Variants in CORO2A observed in about 807,000 individuals in gnomAD.
CORO2A encodes the protein coronin-2A.
In CORO2A, 47 loss-of-function variants were observed where a neutral mutation model predicts 62.4. The observed-to-expected ratio is 0.75, with a 90% CI of 0.60 to 0.96. The LOEUF (loss-of-function observed/expected upper bound fraction) is 0.96. Among genes scored for constraint, CORO2A ranks in the 40% least tolerant of loss-of-function variants. CORO2A has a pLI of 0.00. For missense variants in CORO2A, 610 were observed against 684.1 expected (o/e 0.89, Z 1.21); for synonymous variants, 273 against 268.9 (o/e 1.02, Z -0.15).
intron 2 of CORO2A, among the ~76,000 whole-genome samples, chr9:98,138,061 C>T (rs182731756): frequency 1.5e-3 from 236 of 152,298 alleles, no homozygotes; most frequent in Non-Finnish European, 2.8e-3. Flanking sequence ...GGCAGTTCCT[C>T]AAAAGGTTAA....
chr9:98,149,519 T>A (rs1294915366), intron 2 of CORO2A, among the ~76,000 whole-genome samples: 1 of 152,258 alleles, frequency 6.6e-6, no homozygotes, highest in Non-Finnish European at 1.5e-5. Flanking sequence ...GGCACCAGCA[T>A]CTGCTTCTGG....
At chr9:98,137,267 C>T (rs115844451) in intron 3 of CORO2A, among the ~76,000 whole-genome samples, 1 of 152,312 alleles carries the variant, frequency 6.6e-6, no homozygotes, top group African/African-American at 2.4e-5. Flanking sequence ...CCTTTTATAG[C>T]TCCCCGAAGG....
chr9:98,154,202 G>T (rs946822564), intron 2 of CORO2A, among the ~76,000 whole-genome samples: 5 of 151,570 alleles, frequency 3.3e-5, no homozygotes, highest in Non-Finnish European at 7.4e-5. Flanking sequence ...ACAGAATGAG[G>T]AAAGAAGTTG....
chr9:98,177,454 T>TG (rs1372030486), intron 1 of CORO2A, among the ~76,000 whole-genome samples: 17 of 129,712 alleles, frequency 1.3e-4, no homozygotes, highest in African/African-American at 5.2e-4. Flanking sequence ...GGCTCCAAAC[T>TG]TTGTTTTTTT....
Position 98,134,892 on chromosome 9 carries a change from G to A in CORO2A, c.382C>T (p.Leu128Phe), listed in dbSNP as rs1444650995. The change falls in exon 4 of 12, where the codon CTC (leucine) becomes TTC (phenylalanine). Residue 128 changes from leucine to phenylalanine, a missense_variant. By Grantham distance (22) the Leu-to-Phe change is conservative. Transcript: ENST00000375077. ...TRNLTAYRKE[L>F]VGHARRVGLV... is the part of the protein sequence containing the mutation. Reference sequence around the variant, plus strand: ...CCTACTCTGCGCGCGTGGCCCACGAGTTCCTTCCTGTAGGCCGTGAGGTTC... The same window carrying A: ...CCTACTCTGCGCGCGTGGCCCACGAATTCCTTCCTGTAGGCCGTGAGGTTC... 6.2e-7 allele frequency: 1 copy of A among 1,614,182 alleles called. No homozygotes were observed. Among genetic ancestry groups the A allele is most frequent in the East Asian group, 2.2e-5 (1 of 44,882 alleles).
rs571064187 is a variant in CORO2A at position 98,187,103 on chromosome 9, C to A, written c.-1+5456G>T. Among the ~76,000 whole-genome samples the A allele has an allele frequency of 2.6e-5, 4 of 152,016 alleles. No homozygotes were observed. The East Asian group carries it at 5.8e-4, about 22-fold the overall frequency. ...GGCCATCCTGGCTAACACTGTGAAA[C>A]CCCGTCTCTACTGAAAACACAAAAA... On this transcript the variant is annotated intron_variant, in intron 1 of 11. Transcript: ENST00000375077.
intron 1 of CORO2A, among the ~76,000 whole-genome samples, chr9:98,160,978 T>C (rs1236522235): frequency 6.6e-6 from 1 of 152,188 alleles, no homozygotes; most frequent in Non-Finnish European, 1.5e-5. Context: ...ATGGTGCATC[T>C]ATAAGGTAGT....
chr9:98,185,163 C>T (rs776906732), intron 1 of CORO2A, among the ~76,000 whole-genome samples: 12 of 152,146 alleles, frequency 7.9e-5, no homozygotes, highest in Non-Finnish European at 1.8e-4. Flanking sequence ...CCTTCCATGA[C>T]CCCCCACTTC....
chr9:98,180,187 G>C (rs938019161), intron 1 of CORO2A, among the ~76,000 whole-genome samples: 5 of 152,202 alleles, frequency 3.3e-5, no homozygotes, highest in Admixed American at 6.5e-5. Flanking sequence ...CTTATACTCT[G>C]CCTCTTATAC....
intron 8 of CORO2A, among the ~76,000 whole-genome samples, chr9:98,128,941 T>G (rs968659021): frequency 6.6e-6 from 1 of 152,212 alleles, no homozygotes; most frequent in Non-Finnish European, 1.5e-5. Context: ...AGCTGAATTT[T>G]TTTCTTTTTG....
intron 1 of CORO2A, among the ~76,000 whole-genome samples, chr9:98,191,322 A>C (rs1276485839): frequency 1.3e-5 from 2 of 152,214 alleles, no homozygotes; most frequent in Non-Finnish European, 2.9e-5. Flanking sequence ...GTTCTGAACA[A>C]GCCCCAGGAA....
chr9:98,142,116 A>C (rs1022962074), intron 2 of CORO2A, among the ~76,000 whole-genome samples: 1 of 152,250 alleles, frequency 6.6e-6, no homozygotes, highest in African/African-American at 2.4e-5. Flanking sequence ...ATCCAGGATT[A>C]GCCAAAAACT....
chr9:98,131,330 C>CTTT (rs60302015), intron 6 of CORO2A, among the ~76,000 whole-genome samples: 3 of 145,464 alleles, frequency 2.1e-5, no homozygotes, highest in East Asian at 2.0e-4. Context: ...TAACAAATCA[C>CTTT]TTTTTTTTTT....
chr9:98,189,586 C>T (rs10985359), intron 1 of CORO2A, among the ~76,000 whole-genome samples: 21,507 of 152,122 alleles, frequency 0.14, 1,859 homozygotes, highest in South Asian at 0.21. Flanking sequence ...TGTCAGAGCT[C>T]AAACAAATTC....
chr9:98,177,463 T>TTTTG (rs1828123676), intron 1 of CORO2A, among the ~76,000 whole-genome samples: 1 of 134,470 alleles, frequency 7.4e-6, no homozygotes, highest in South Asian at 2.5e-4. Context: ...CTTTGTTTTT[T>TTTTG]TTTTTTTTTT....
chr9:98,131,293 C>A (rs1388873771), intron 6 of CORO2A, among the ~76,000 whole-genome samples: 1 of 151,648 alleles, frequency 6.6e-6, no homozygotes, highest in Non-Finnish European at 1.5e-5. Context: ...AATGCTGCTG[C>A]CACCTATTTT....
chr9:98,130,146 G>A (rs892408131), intron 7 of CORO2A, among the ~76,000 whole-genome samples: 2 of 152,114 alleles, frequency 1.3e-5, no homozygotes, highest in Non-Finnish European at 2.9e-5. Flanking sequence ...GAGAGCAGTA[G>A]TGCAATCACA....
At chr9:98,145,852 A>G (rs1166280363) in intron 2 of CORO2A, among the ~76,000 whole-genome samples, 6 of 151,836 alleles carry the variant, frequency 4.0e-5, no homozygotes, top group African/African-American at 1.5e-4. Flanking sequence ...AGCTGGGACT[A>G]CAGGCATGTG....
intron 11 of CORO2A, among the ~76,000 whole-genome samples, chr9:98,125,156 G>C (rs569765967): frequency 2.0e-5 from 3 of 152,326 alleles, no homozygotes; most frequent in South Asian, 4.1e-4. Context: ...TAGAGGAAAG[G>C]ATGCCTGGCT....
Sources: gnomAD v4.1 joint callset for allele counts (sites outside exome capture counted in the v4.1 genomes callset) on GRCh38, gnomAD v4.1.1 for gene constraint, MANE v1.5 for transcripts, NCBI Gene and HGNC (gene_info 2026-07-23, HGNC 2026-07-21) for gene names.